COL4A4: variants seen among roughly 807,000 people sequenced by gnomAD.
The protein encoded by COL4A4 is collagen type IV alpha 4 chain.
In COL4A4, 105 loss-of-function variants were observed where a neutral mutation model predicts 192.9. That is an observed-to-expected ratio of 0.54 (90% CI 0.46 to 0.64). The LOEUF (loss-of-function observed/expected upper bound fraction) is 0.64. Among genes scored for constraint, COL4A4 ranks in the 30% least tolerant of loss-of-function variants. COL4A4 has a pLI of 0.00. For missense variants in COL4A4, 1,967 were observed against 2,169.3 expected, an observed-to-expected ratio of 0.91 and a Z score of 1.85; for synonymous variants, 762 against 769.9, an observed-to-expected ratio of 0.99 and a Z score of 0.17.
At chr2:227,019,566 T>A (rs997894582) in intron 44 of COL4A4, among the ~76,000 whole-genome samples, 3 of 152,252 alleles carry the variant, frequency 2.0e-5, no homozygotes, top group Non-Finnish European at 2.9e-5. Flanking sequence ...TCTAGTCAAA[T>A]ACCAGCTCTT....
At chr2:226,999,525 G>A (rs1337413652), downstream of COL4A4, among the ~76,000 whole-genome samples, 1 of 152,178 alleles carries the variant, frequency 6.6e-6, no homozygotes, top group Non-Finnish European at 1.5e-5. Flanking sequence ...GGATGTGTTT[G>A]TGCTAACATT....
intron 4 of COL4A4, among the ~76,000 whole-genome samples, chr2:227,127,453 C>T (rs1576711765): frequency 6.6e-6 from 1 of 152,230 alleles, no homozygotes; most frequent in African/African-American, 2.4e-5. Context: ...ACAGAACCGC[C>T]GGCCTCCCTG....
chr2:227,050,883 T>C, intron 33 of COL4A4, 94 bp downstream of exon 33: 1 of 1,424,418 alleles, frequency 7.0e-7, no homozygotes, highest in Admixed American at 1.7e-5. Context: ...GAAAGGGCAA[T>C]GGTATATACG....
At chr2:227,028,487 G>GTTTCAT (rs925758328) in intron 41 of COL4A4, among the ~76,000 whole-genome samples, 1 of 151,940 alleles carries the variant, frequency 6.6e-6, no homozygotes, top group Non-Finnish European at 1.5e-5. Context: ...ATAAGACCCA[G>GTTTCAT]TTTCATTTTC....
chr2:227,090,870 T>A, intron 20 of COL4A4, among the ~76,000 whole-genome samples: 1 of 138,492 alleles, frequency 7.2e-6, no homozygotes, highest in African/African-American at 2.7e-5. Flanking sequence ...ACTTGGCAGA[T>A]CCTTAAAAAA....
intron 35 of COL4A4, among the ~76,000 whole-genome samples, chr2:227,046,094 CATATATATA>C (rs1972804869): frequency 1.5e-5 from 1 of 67,216 alleles, no homozygotes. Context: ...TATATATGTA[CATATATATA>C]TATCTAAATA....
intron 9 of COL4A4, among the ~76,000 whole-genome samples, chr2:227,110,218 G>C (rs982333374): frequency 6.6e-6 from 1 of 152,116 alleles, no homozygotes; most frequent in African/African-American, 2.4e-5. Context: ...TCAAATGATT[G>C]GGGAGTGTAT....
At chr2:227,114,433 G>A in intron 8 of COL4A4, 195 bp downstream of exon 8, 2 of 684,114 alleles carry the variant, frequency 2.9e-6, no homozygotes, top group South Asian at 1.6e-5. Flanking sequence ...GAATTTTACA[G>A]TGCTGGAATT....
At chr2:227,017,577 C>T (rs1248942142) in intron 44 of COL4A4, among the ~76,000 whole-genome samples, 3 of 152,148 alleles carry the variant, frequency 2.0e-5, no homozygotes, top group Non-Finnish European at 4.4e-5. Flanking sequence ...AAGCTTCAGC[C>T]TTTGAGGGCC....
chr2:227,069,358 A>G (rs2058563920), intron 25 of COL4A4, among the ~76,000 whole-genome samples: 1 of 152,100 alleles, frequency 6.6e-6, no homozygotes, highest in Non-Finnish European at 1.5e-5. Context: ...ACAGAATTGG[A>G]AAAAAACTAC....
In COL4A4 at chr2:227,043,563, G is replaced by A. The variant is rs375092575; in HGVS notation, c.3290-379C>T. Among the ~76,000 whole-genome samples, 44 of 151,876 alleles carry A rather than the reference G, an allele frequency of 2.9e-4. 1 individual carries two copies. Among genetic ancestry groups the A allele is most frequent in the African/African-American group, 9.9e-4 (41 of 41,438 alleles). ...AACTAATTCAATTTATTTTACTATT[G>A]GCCATTTAAGTTATCTCTAACTCTG... is the stretch of plus-strand genomic sequence containing the variant. On this transcript the variant is annotated intron_variant, in intron 35 of 47. Coordinates refer to ENST00000396625, the MANE Select transcript of COL4A4 (RefSeq NM_000092.5).
At chr2:227,133,439 C>T (rs1402434311) in intron 4 of COL4A4, among the ~76,000 whole-genome samples, 1 of 152,210 alleles carries the variant, frequency 6.6e-6, no homozygotes, top group African/African-American at 2.4e-5. Flanking sequence ...ATTTCTCAGT[C>T]TACTGAAATG....
At chr2:227,037,024 AG>A (rs1969824380) in intron 37 of COL4A4, among the ~76,000 whole-genome samples, 1 of 152,148 alleles carries the variant, frequency 6.6e-6, no homozygotes, top group African/African-American at 2.4e-5. Flanking sequence ...CTTTCCAACT[AG>A]GAACTGGGTG....
chr2:227,001,028 T>C (rs1020530247), downstream of COL4A4, among the ~76,000 whole-genome samples: 43 of 152,240 alleles, frequency 2.8e-4, no homozygotes, highest in African/African-American at 1.0e-3. Flanking sequence ...GTCTCAGGTA[T>C]GAAAATTTAT....
intron 27 of COL4A4, 40 bp from the exon 28 acceptor site, chr2:227,059,663 G>C (rs371891059): frequency 9.0e-6 from 13 of 1,448,406 alleles, no homozygotes; most frequent in Non-Finnish European, 1.3e-5. Flanking sequence ...GATAACATGT[G>C]CAAGTATAGA....
At chr2:227,149,884 C>T (rs73996205) in intron 1 of COL4A4, among the ~76,000 whole-genome samples, 13,461 of 151,566 alleles carry the variant, frequency 0.089, 1,925 homozygotes, top group African/African-American at 0.31. Flanking sequence ...GACAGACAGA[C>T]GGATGGATGG....
chr2:227,006,269 G>A lies in COL4A4; in HGVS notation c.*1056C>T, dbSNP rs528414973. 2 of 152,720 alleles carry A rather than the reference G, an allele frequency of 1.3e-5. No individual in the cohort carries two copies. Among genetic ancestry groups the A allele is most frequent in the Admixed American group, 6.5e-5 (1 of 15,300 alleles). 9.5% of individuals were successfully genotyped at this position (152,720 alleles called of 1,614,324 possible). On this transcript the variant is annotated 3_prime_UTR_variant, in exon 48 of 48. Transcript: ENST00000396625. ...ATAGCTCTGTCACGTCCCTGTGTGA[G>A]CTGCCATTATGTGTGTGGAGCAAAG...
chr2:227,032,105 T>A (rs761281225), intron 39 of COL4A4, 43 bp downstream of exon 39: 1 of 1,614,140 alleles, frequency 6.2e-7, no homozygotes, highest in Non-Finnish European at 8.5e-7. Context: ...TGGAAGGTTT[T>A]GGTTTAGTTA....
chr2:227,143,745 T>C (rs998503053), intron 3 of COL4A4, among the ~76,000 whole-genome samples: 1 of 152,234 alleles, frequency 6.6e-6, no homozygotes, highest in Non-Finnish European at 1.5e-5. Flanking sequence ...CTCAAATGCA[T>C]GTCAACAAAG....
Sources: gnomAD v4.1 joint callset for allele counts (sites outside exome capture counted in the v4.1 genomes callset) on GRCh38, gnomAD v4.1.1 for gene constraint, MANE v1.5 for transcripts, NCBI Gene and HGNC (gene_info 2026-07-23, HGNC 2026-07-21) for gene names.